Variants in STON2 observed in about 807,000 individuals in gnomAD.
STON2 encodes stonin-2.
STON2 carries 29 observed loss-of-function variants against 65.7 expected under a neutral mutation model. The observed-to-expected ratio is 0.44, with a 90% confidence interval of 0.33 to 0.60. The LOEUF is 0.60. Among genes scored for constraint, STON2 ranks in the 20% least tolerant of loss-of-function variants. The pLI is 0.03. For missense variants in STON2, 1,054 were observed against 1,118.1 expected, an observed-to-expected ratio of 0.94 and a Z score of 0.82; for synonymous variants, 404 against 414.2, an observed-to-expected ratio of 0.98 and a Z score of 0.30.
chr14:81,341,616 G>C (rs1897618431), intron 4 of STON2, among the ~76,000 whole-genome samples: 1 of 152,054 alleles, frequency 6.6e-6, no homozygotes, highest in South Asian at 2.1e-4. Flanking sequence ...CACAATGGGA[G>C]CAAGTGGGCG....
intron 1 of STON2, among the ~76,000 whole-genome samples, chr14:81,431,634 C>T (rs1902227673): frequency 6.6e-6 from 1 of 152,042 alleles, no homozygotes; most frequent in Non-Finnish European, 1.5e-5. Context: ...CAAAATTAGC[C>T]AGGCATAGTG....
chr14:81,287,407 A>G (rs938966121), intron 5 of STON2, among the ~76,000 whole-genome samples: 2 of 152,218 alleles, frequency 1.3e-5, no homozygotes, highest in Non-Finnish European at 2.9e-5. Context: ...CCCAAAGTGA[A>G]GAAGCCAGTT....
At chr14:81,328,171 C>G (rs1331379067) in intron 4 of STON2, among the ~76,000 whole-genome samples, 2 of 152,124 alleles carry the variant, frequency 1.3e-5, no homozygotes, top group Non-Finnish European at 2.9e-5. Flanking sequence ...CGCAGCTGCT[C>G]AATCAATATC....
chr14:81,375,868 G>T (rs1286912717), intron 3 of STON2, among the ~76,000 whole-genome samples: 1 of 150,704 alleles, frequency 6.6e-6, no homozygotes, highest in Non-Finnish European at 1.5e-5. Flanking sequence ...TAAGTATCTA[G>T]TTATCTAACT....
intron 3 of STON2, among the ~76,000 whole-genome samples, chr14:81,373,999 CTTTTTTTTTTTTT>C (rs57877137): frequency 1.2e-4 from 7 of 60,470 alleles, no homozygotes; most frequent in African/African-American, 3.3e-4. Flanking sequence ...ATAATAATGC[CTTTTTTTTTTTTT>C]TTTTTTTTTT....
At chr14:81,353,335 T>C (rs1243740927) in intron 4 of STON2, among the ~76,000 whole-genome samples, 2 of 152,196 alleles carry the variant, frequency 1.3e-5, no homozygotes, top group African/African-American at 4.8e-5. Flanking sequence ...GGTTTGGAAA[T>C]GAAGGTCTTC....
Position 81,278,148 on chromosome 14 carries a change from A to G in STON2, c.1334T>C (p.Leu445Pro), listed in dbSNP as rs1327953974. 1 of 1,613,990 alleles carries G rather than the reference A, an allele frequency of 6.2e-7. No individual in the cohort carries two copies. The highest frequency in any genetic ancestry group is 1.7e-5 in the Admixed American group (1 of 60,006). ...HSDAVEKLKQ[L>P]QIDDPDHFGS... Reference sequence around the variant, plus strand: ...AAAGTGATCAGGGTCATCAATTTGGAGTTGTTTGAGTTTTTCAACAGCATC... The same window carrying G: ...AAAGTGATCAGGGTCATCAATTTGGGGTTGTTTGAGTTTTTCAACAGCATC... Residue 445 changes from leucine (L) to proline (P), a missense_variant, in exon 6 of 8, where the codon CTC becomes CCC. Leu to Pro is a moderately conservative substitution (Grantham distance 98, BLOSUM62 -3). Transcript: ENST00000614646.
chr14:81,312,729 T>C (rs957019467), intron 5 of STON2, among the ~76,000 whole-genome samples: 4 of 152,260 alleles, frequency 2.6e-5, no homozygotes, highest in African/African-American at 7.2e-5. Flanking sequence ...GGTTTCATGA[T>C]GCATTTGCTT....
At chr14:81,365,159 GCTGTTGTC>G (rs1425981167) in intron 4 of STON2, among the ~76,000 whole-genome samples, 3 of 152,124 alleles carry the variant, frequency 2.0e-5, no homozygotes, top group Non-Finnish European at 4.4e-5. Context: ...GCAAGTGGTT[GCTGTTGTC>G]CTGTCCAGTC....
Position 81,293,926 on chromosome 14 carries a change from C to A in STON2, c.743-15187G>T, listed in dbSNP as rs184695703. ...AATGGTGGGTTTTTTTCTTCAGCTA[C>A]TAAATTTTGAGGTGGTTGTAACACA... is the stretch of plus-strand genomic sequence containing the variant. On this transcript the variant is annotated intron_variant, in intron 5 of 7. Transcript: ENST00000614646. 5.9e-5 allele frequency among the ~76,000 whole-genome samples: 9 copies of A among 152,222 alleles called. No individual in the cohort carries two copies. In the East Asian group the frequency reaches 9.7e-4, roughly 16 times the overall value.
rs896857558 is a variant in STON2, at chr14:81,264,422, T to C, written c.*3992A>G. 25 of 985,370 alleles carry C rather than the reference T, an allele frequency of 2.5e-5. No individual in the cohort carries two copies. The African/African-American group carries it at 3.5e-4, about 14-fold the overall frequency. 61.0% of individuals were successfully genotyped at this position (985,370 alleles called of 1,614,324 possible). A position where few individuals can be genotyped will look rare whatever the true frequency, so the allele number is the denominator to read the frequency against. On this transcript the variant is annotated 3_prime_UTR_variant, in exon 8 of 8. Coordinates refer to ENST00000614646, the MANE Select transcript of STON2 (RefSeq NM_001394390.1). ...TCAGTATTCTTTCAGCAAACATTTA[T>C]TGAATACATACTCATTTTCCTTTAT...
chr14:81,390,405 G>A (rs536932716), intron 3 of STON2, among the ~76,000 whole-genome samples: 1 of 152,234 alleles, frequency 6.6e-6, no homozygotes, highest in Admixed American at 6.5e-5. Flanking sequence ...GAAGTGCTTA[G>A]TAAATATCTG....
intron 1 of STON2, among the ~76,000 whole-genome samples, chr14:81,428,319 A>G (rs931853889): frequency 4.7e-4 from 72 of 152,366 alleles, no homozygotes; most frequent in African/African-American, 1.7e-3. Context: ...CTCTGAGTTC[A>G]CATAATAGAC....
At chr14:81,300,042 C>T (rs1443425932) in intron 5 of STON2, among the ~76,000 whole-genome samples, 2 of 151,628 alleles carry the variant, frequency 1.3e-5, no homozygotes, top group African/African-American at 4.8e-5. Flanking sequence ...CTCAAAACTA[C>T]CAAATTTCAA....
In STON2 at chr14:81,265,714, C is replaced by T; in HGVS notation, c.*2700G>A. On this transcript the variant is annotated 3_prime_UTR_variant, in exon 8 of 8. Transcript: ENST00000614646. ...AATAATAATAATAATAATTTGTTTG[C>T]AGAATATAGATAGCATAGAAGGGAT... 1.2e-6 allele frequency: 1 copy of T among 841,332 alleles called. No homozygotes were observed. The highest frequency in any genetic ancestry group is 1.4e-6 in the Non-Finnish European group (1 of 700,906). 52.1% of individuals were successfully genotyped at this position (841,332 alleles called of 1,614,324 possible).
At chr14:81,284,014 G>A (rs779454701) in intron 5 of STON2, among the ~76,000 whole-genome samples, 30 of 152,170 alleles carry the variant, frequency 2.0e-4, no homozygotes, top group Non-Finnish European at 4.0e-4. Context: ...TATTGTAACT[G>A]TTTTGGGGCA....
At chr14:81,416,349 A>G (rs987690162) in intron 2 of STON2, among the ~76,000 whole-genome samples, 3 of 152,236 alleles carry the variant, frequency 2.0e-5, no homozygotes, top group Admixed American at 1.3e-4. Flanking sequence ...TCAGGAAGTG[A>G]AAGTGCAAAG....
At chr14:81,394,432 T>C (rs74367021) in intron 3 of STON2, among the ~76,000 whole-genome samples, 2 of 152,270 alleles carry the variant, frequency 1.3e-5, no homozygotes, top group East Asian at 3.9e-4. Flanking sequence ...GTCTCTGTGG[T>C]AGACAGAATG....
Position 81,264,454 on chromosome 14 carries a change from A to C in STON2, c.*3960T>G. The C allele has an allele frequency of 1.0e-6, 1 of 985,438 alleles. No homozygotes were observed. The highest frequency in any genetic ancestry group is 1.2e-6 in the Non-Finnish European group (1 of 829,938). The allele number at this position is 985,438 out of a possible 1,614,324, so 61.0% of individuals were successfully genotyped here. A position where few individuals can be genotyped will look rare whatever the true frequency, so the allele number is the denominator to read the frequency against. The stretch of plus-strand genomic sequence containing the variant: ...CATACTCATTTTCCTTTATTTCATG[A>C]GTATACGTTTGCCCTCCTGGCAAGC... On this transcript the variant is annotated 3_prime_UTR_variant, in exon 8 of 8. Coordinates refer to ENST00000614646, the MANE Select transcript of STON2 (RefSeq NM_001394390.1).
Sources: allele counts gnomAD v4.1 joint callset (sites outside exome capture counted in the v4.1 genomes callset), GRCh38; gene constraint gnomAD v4.1.1; transcripts MANE v1.5; gene names NCBI Gene and HGNC (gene_info 2026-07-23, HGNC 2026-07-21).